The following CT45A10 variants were observed in gnomAD, a reference collection of about 807,000 sequenced individuals.
CT45A10 encodes the protein cancer/testis antigen family 45 member A10.
A neutral mutation model predicts 8.3 loss-of-function variants in CT45A10; 19 were observed. The observed-to-expected ratio is 2.30, with a 90% CI of 1.61 to 3.38. The LOEUF is 3.38. CT45A10 is among the 30% of genes most tolerant of loss of function. CT45A10 has a pLI of 0.00. For missense variants in CT45A10, 149 were observed against 85.9 expected, an observed-to-expected ratio of 1.73 and a Z score of -2.90; for synonymous variants, 28 against 26.5, an observed-to-expected ratio of 1.06 and a Z score of -0.17.
At chrX:135,889,799 G>T (rs933921434) in intron 1 of CT45A10, among the ~76,000 whole-genome samples, 12 of 96,453 alleles carry the variant, frequency 1.2e-4, no homozygotes, top group Middle Eastern at 5.5e-3. Flanking sequence ...TAGTTCACAA[G>T]ACAGGAGGAA....
chrX:135,883,365 G>C, intron 2 of CT45A10, 109 bp from the exon 3 acceptor site: 3 of 1,169,297 alleles, frequency 2.6e-6, no homozygotes, highest in Non-Finnish European at 3.4e-6. Flanking sequence ...CTGAGAAGTT[G>C]AGCTGTGAGA....
At chrX:135,889,961 A>G (rs987854267) in intron 1 of CT45A10, among the ~76,000 whole-genome samples, 7 of 111,760 alleles carry the variant, frequency 6.3e-5, no homozygotes, top group African/African-American at 1.3e-4. Flanking sequence ...AATTCCAGAC[A>G]CTGTATGAAA....
Position 135,882,999 on chromosome X carries a change from A to T in CT45A10, c.418+9T>A. On this transcript the variant is annotated intron_variant, in intron 3 of 4. Coordinates refer to ENST00000682849, the MANE Select transcript of CT45A10 (RefSeq NM_001291529.2). ...AGTTTTATAAAACAGACGTTCTTAC[A>T]CTACTTACTTCGTCCAAGGCATCGG... is the stretch of plus-strand genomic sequence containing the variant. 8.4e-7 allele frequency: 1 copy of T among 1,197,082 alleles called. No individual in the cohort carries two copies. The highest frequency in any genetic ancestry group is 1.1e-6 in the Non-Finnish European group (1 of 884,616).
intron 1 of CT45A10, among the ~76,000 whole-genome samples, chrX:135,892,980 C>T (rs937103987): frequency 1.8e-5 from 2 of 110,387 alleles, no homozygotes; most frequent in Non-Finnish European, 3.8e-5. Context: ...GGGCTGCCAC[C>T]GAGCAGGGAA....
intron 4 of CT45A10, among the ~76,000 whole-genome samples, chrX:135,881,520 T>C (rs1196231368): frequency 4.7e-4 from 19 of 40,283 alleles, no homozygotes; most frequent in Non-Finnish European, 7.0e-4. Flanking sequence ...GGTGGGAACA[T>C]AAATTACTAC....
rs1460981587 is a variant in CT45A10 at position 135,883,268 on chromosome X, A to G, written c.170-12T>C. The G allele has an allele frequency of 0.18, 207,073 of 1,173,838 alleles. 17,816 individuals carry two copies. The highest frequency in any genetic ancestry group is 0.19 in the Non-Finnish European group (164,122 of 868,634). On this transcript the variant is annotated splice_polypyrimidine_tract_variant and intron_variant, in intron 2 of 4. Transcript: ENST00000682849. ...TCCTGTCATAAGCTCTGGTGAAACAAATTTTGAGTAAAAGCCATCAGTTGG... is the reference window on the plus strand; with the variant it reads ...TCCTGTCATAAGCTCTGGTGAAACAGATTTTGAGTAAAAGCCATCAGTTGG...
chrX:135,882,700 G>C, intron 3 of CT45A10, 71 bp from the exon 4 acceptor site: 1 of 523,512 alleles, frequency 1.9e-6, no homozygotes, highest in Non-Finnish European at 3.1e-6. Context: ...CTACACCTCA[G>C]CAATCATGCT....
chrX:135,883,242 G>A lies in CT45A10; in HGVS notation c.184C>T (p.His62Tyr). The part of the protein sequence containing the change: ...MSKEKKLMTG[H>Y]AIPPSQLDSQ... ...TCCAATTGGCTGGGTGGAATAGCAT[G>A]TCCTGTCATAAGCTCTGGTGAAACA... The change falls in exon 3 of 5, where the codon CAT becomes TAT. Residue 62 changes from histidine (H) to tyrosine (Y), a missense_variant. Transcript: ENST00000682849. 1.7e-6 allele frequency: 2 copies of A among 1,196,971 alleles called. No homozygotes were observed. The highest frequency in any genetic ancestry group is 2.3e-6 in the Non-Finnish European group (2 of 885,685).
intron 1 of CT45A10, among the ~76,000 whole-genome samples, chrX:135,891,833 G>T (rs1556590154): frequency 9.0e-6 from 1 of 111,468 alleles, no homozygotes; most frequent in South Asian, 3.7e-4. Flanking sequence ...AATTGTATAT[G>T]TATTTTAATA....
intron 1 of CT45A10, among the ~76,000 whole-genome samples, 58 bp downstream of exon 1, chrX:135,893,287 G>A (rs73226717): frequency 9.8e-5 from 11 of 111,757 alleles, no homozygotes; most frequent in Non-Finnish European, 1.9e-4. Context: ...ACACTTTCCC[G>A]GGCGAAATTA....
intron 2 of CT45A10, 88 bp from the exon 3 acceptor site, chrX:135,883,344 T>C: frequency 8.4e-7 from 1 of 1,185,892 alleles, no homozygotes; most frequent in Non-Finnish European, 1.1e-6. Flanking sequence ...ATGACAGATC[T>C]GGAAATCAAA....
intron 1 of CT45A10, among the ~76,000 whole-genome samples, chrX:135,889,830 GA>G (rs10684169): frequency 0.41 from 39,875 of 96,103 alleles, 7,107 homozygotes; most frequent in East Asian, 0.76. Context: ...CAAAAAGTTG[GA>G]AAAAAAAAAA....
At chrX:135,889,477 CAAA>C (rs10645547) in intron 1 of CT45A10, among the ~76,000 whole-genome samples, 15 of 89,107 alleles carry the variant, frequency 1.7e-4, no homozygotes, top group East Asian at 3.5e-4. Flanking sequence ...AAGACTCCAT[CAAA>C]AAAAAAAAAA....
intron 3 of CT45A10, 122 bp downstream of exon 3, chrX:135,882,886 A>G (rs1454449407): frequency 1.1e-5 from 9 of 815,567 alleles, no homozygotes; most frequent in Non-Finnish European, 1.6e-5. Context: ...AACCACCATA[A>G]ATTATGTGCA....
chrX:135,892,223 G>C (rs988098960), intron 1 of CT45A10, among the ~76,000 whole-genome samples: 21 of 111,049 alleles, frequency 1.9e-4, no homozygotes, highest in African/African-American at 5.9e-4. Context: ...TGAGGCACGA[G>C]AATCGAGCGA....
intron 1 of CT45A10, among the ~76,000 whole-genome samples, chrX:135,892,004 T>A (rs1181529364): frequency 1.5e-5 from 1 of 68,591 alleles, no homozygotes; most frequent in African/African-American, 5.7e-5. Flanking sequence ...AATAAACACA[T>A]GAAAAAGTGC....
In CT45A10 at chrX:135,893,414, A is replaced by G. The variant is rs993530469; in HGVS notation, c.-76T>C. ...GTTGTGGCGCCTCCCCACTGTTGTA[A>G]CTTTGTAGAAACTTGCCGTTTGGGA... On this transcript the variant is annotated 5_prime_UTR_variant, in exon 1 of 5. Coordinates refer to ENST00000682849, the MANE Select transcript of CT45A10 (RefSeq NM_001291529.2). 1.5e-4 allele frequency among the ~76,000 whole-genome samples: 17 copies of G among 112,626 alleles called. No homozygotes were observed. Among genetic ancestry groups the G allele is most frequent in the African/African-American group, 5.5e-4 (17 of 31,080 alleles).
Position 135,883,089 on chromosome X carries a change from C to T in CT45A10, c.337G>A (p.Ala113Thr). ...TCTTGTTGGCTTTTGGGAGAGGAGG[C>T]TATTCCTCTGCATTCTAGGTCATCT... ...SGDDLECRGIASSPKSQQEIN... is the reference protein window; with the variant it reads ...SGDDLECRGITSSPKSQQEIN... The change falls in exon 3 of 5, where the codon GCC (alanine) becomes ACC (threonine). Residue 113 changes from alanine (A) to threonine (T), a missense_variant. By Grantham distance (58) the Ala-to-Thr change is moderately conservative. Coordinates refer to ENST00000682849, the MANE Select transcript of CT45A10 (RefSeq NM_001291529.2). 4 of 1,198,822 alleles carry T rather than the reference C, an allele frequency of 3.3e-6. No homozygotes were observed. Among genetic ancestry groups the T allele is most frequent in the Non-Finnish European group, 4.5e-6 (4 of 885,734 alleles).
chrX:135,891,252 C>G (rs782734480), intron 1 of CT45A10, among the ~76,000 whole-genome samples: 1 of 109,788 alleles, frequency 9.1e-6, no homozygotes, highest in Admixed American at 9.8e-5. Context: ...TTTAATTAGA[C>G]ATAATTAAAT....
Sources: gnomAD v4.1 joint callset for allele counts (sites outside exome capture counted in the v4.1 genomes callset) on GRCh38, gnomAD v4.1.1 for gene constraint, MANE v1.5 for transcripts, NCBI Gene and HGNC (gene_info 2026-07-23, HGNC 2026-07-21) for gene names.